Variants in IPO7 observed in about 807,000 individuals in gnomAD.
The protein encoded by IPO7 is importin 7.
Under a neutral mutation model 136.4 loss-of-function variants are expected in IPO7, and 13 were observed. The ratio of observed to expected loss-of-function variants is 0.10; its 90% CI spans 0.06 to 0.15. The LOEUF (loss-of-function observed/expected upper bound fraction) is 0.15. IPO7 is among the 10% of genes least tolerant of loss of function. The probability of loss-of-function intolerance (pLI) is 1.00; values close to 1 mark genes in which losing one functional copy is unlikely to be tolerated. For missense variants in IPO7, 857 were observed against 1,240.6 expected (o/e 0.69, Z 4.65); for synonymous variants, 403 against 404.4 (o/e 1.00, Z 0.04).
chr11:9,446,642 T>G lies in IPO7; in HGVS notation c.*1448T>G, dbSNP rs1855532901. 6.6e-6 allele frequency: 1 copy of G among 152,200 alleles called. No homozygotes were observed. The highest frequency in any genetic ancestry group is 2.4e-5 in the African/African-American group (1 of 41,454). The allele number at this position is 152,200 out of a possible 1,614,324, so 9.4% of individuals were successfully genotyped here. ...ATATTTCAAATTGAAAGCAACATCT[T>G]AATGGATTCAAAACTATTACAAGCT... On this transcript the variant is annotated 3_prime_UTR_variant, in exon 25 of 25. Transcript: ENST00000379719.
Position 9,442,157 on chromosome 11 carries a change from G to C in IPO7, c.2979G>C (p.Gln993His), listed in dbSNP as rs1177433830. Residue 993 changes from glutamine (Q) to histidine (H), a missense_variant, in exon 24 of 25, where the codon CAG (glutamine) becomes CAC (histidine). This residue lies in a region of IPO7 where 119 missense variants were observed against 155.5 expected (regional missense o/e 0.77). Transcript: ENST00000379719. ...ATGAAGAACAAAGAAAACAGTTACA[G>C]GACATAGCAACTCTGGCTGATCAAA... ...GLNEEQRKQL[Q>H]DIATLADQRR... is the part of the protein sequence containing the mutation. The C allele has an allele frequency of 6.2e-7, 1 of 1,605,560 alleles. No homozygotes were observed. Among genetic ancestry groups the C allele is most frequent in the Non-Finnish European group, 8.5e-7 (1 of 1,172,362 alleles).
intron 1 of IPO7, among the ~76,000 whole-genome samples, chr11:9,402,172 C>T (rs569973066): frequency 6.6e-6 from 1 of 152,108 alleles, no homozygotes; most frequent in South Asian, 2.1e-4. Context: ...GAGGCCAAGG[C>T]GGGCAGATCA....
rs1202248870 is a variant in IPO7 at position 9,437,779 on chromosome 11, C to G, written c.2294C>G (p.Ala765Gly). 1 of 1,613,586 alleles carries G rather than the reference C, an allele frequency of 6.2e-7. No individual in the cohort carries two copies. Among genetic ancestry groups the G allele is most frequent in the Non-Finnish European group, 8.5e-7 (1 of 1,179,572 alleles). Residue 765 changes from alanine to glycine, a missense_variant, in exon 21 of 25, where the codon GCC (alanine) becomes GGC (glycine). Physicochemically the swap from Ala to Gly is moderately conservative, Grantham distance 60. Coordinates refer to ENST00000379719, the MANE Select transcript of IPO7 (RefSeq NM_006391.3). The part of the protein sequence containing the change: ...DQCIPLFVEA[A>G]LERLTREVKT... ...TGCATTCCCTTATTCGTGGAAGCAGCCTTAGAAAGACTGACAAGAGAGGTT... is the reference window on the plus strand; with the variant it reads ...TGCATTCCCTTATTCGTGGAAGCAGGCTTAGAAAGACTGACAAGAGAGGTT...
In IPO7 at chr11:9,425,041, T is replaced by A. The variant is rs768969758; in HGVS notation, c.1218+51T>A. 2.2e-6 allele frequency: 3 copies of A among 1,352,300 alleles called. No individual in the cohort carries two copies. In the Admixed American group the frequency reaches 5.7e-5, roughly 26 times the overall value. 83.8% of individuals were successfully genotyped at this position (1,352,300 alleles called of 1,614,324 possible). The stretch of plus-strand genomic sequence containing the variant: ...CTTTTCTGTATTATTTAAAATTTAT[T>A]CAACTATACACTTTTTAAATGTTAG... On this transcript the variant is annotated intron_variant, in intron 11 of 24. Transcript: ENST00000379719.
intron 1 of IPO7, among the ~76,000 whole-genome samples, chr11:9,400,996 A>G (rs1018272807): frequency 2.0e-5 from 3 of 151,868 alleles, no homozygotes; most frequent in Admixed American, 1.3e-4. Flanking sequence ...AGCCTGGCCA[A>G]CATGGCAAAA....
At chr11:9,400,440 CT>C (rs1281620112) in intron 1 of IPO7, among the ~76,000 whole-genome samples, 1 of 146,216 alleles carries the variant, frequency 6.8e-6, no homozygotes, top group Non-Finnish European at 1.5e-5. Flanking sequence ...TTTTTTTTTT[CT>C]GAGACCTAAT....
At chr11:9,387,172 A>G (rs897096816) in intron 1 of IPO7, among the ~76,000 whole-genome samples, 1 of 152,224 alleles carries the variant, frequency 6.6e-6, no homozygotes, top group African/African-American at 2.4e-5. Flanking sequence ...GATGTCTCTC[A>G]TTCCAGTGAA....
intron 1 of IPO7, among the ~76,000 whole-genome samples, chr11:9,393,566 A>G (rs1854666185): frequency 6.6e-6 from 1 of 152,044 alleles, no homozygotes; most frequent in African/African-American, 2.4e-5. Context: ...TATTTTTAGT[A>G]GAGAAGGAGT....
At chr11:9,425,050 C>T in intron 11 of IPO7, 60 bp downstream of exon 11, 3 of 1,334,880 alleles carry the variant, frequency 2.2e-6, no homozygotes, top group Non-Finnish European at 2.1e-6. Context: ...TTCAACTATA[C>T]ACTTTTTAAA....
intron 5 of IPO7, 200 bp downstream of exon 5, chr11:9,414,611 T>A: frequency 2.2e-5 from 4 of 181,610 alleles, no homozygotes; most frequent in East Asian, 1.3e-4. Context: ...TAAACAACCC[T>A]AATGAATCTT....
intron 4 of IPO7, among the ~76,000 whole-genome samples, chr11:9,410,782 A>G (rs1854957928): frequency 1.3e-5 from 2 of 152,172 alleles, no homozygotes; most frequent in African/African-American, 4.8e-5. Context: ...GTTGATAGGC[A>G]CTTGAAAAGG....
intron 14 of IPO7, 53 bp from the exon 15 acceptor site, chr11:9,429,621 G>A: frequency 1.4e-6 from 2 of 1,427,782 alleles, no homozygotes; most frequent in Non-Finnish European, 9.6e-7. Flanking sequence ...GTTATATCAG[G>A]TTTTAAGAAG....
At chr11:9,436,408 CTT>C (rs1855369103) in intron 20 of IPO7, 42 bp downstream of exon 20, 1 of 1,308,794 alleles carries the variant, frequency 7.6e-7, no homozygotes, top group African/African-American at 1.5e-5. Context: ...GAGGGGTAAT[CTT>C]TTCCTTCCAC....
intron 12 of IPO7, among the ~76,000 whole-genome samples, chr11:9,428,069 G>A (rs1461006315): frequency 2.6e-5 from 4 of 151,362 alleles, no homozygotes; most frequent in South Asian, 2.1e-4. Context: ...GCAGTGAGCC[G>A]AAATTGTGCC....
Position 9,384,829 on chromosome 11 carries a change from G to C in IPO7, c.66G>C (p.Ala22=). Reference sequence around the variant, plus strand: ...TGGACCCAGCCCTGCGTGAGGCCGCGGAGCGCCAGCTCAATGAAGTAAGGA... The same window carrying C: ...TGGACCCAGCCCTGCGTGAGGCCGCCGAGCGCCAGCTCAATGAAGTAAGGA... ...GTMDPALREA[A]ERQLNEAHKS... Residue 22 remains alanine (A), a synonymous_variant, in exon 1 of 25, where the codon GCG becomes GCC. Transcript: ENST00000379719. The C allele has an allele frequency of 6.2e-7, 1 of 1,602,954 alleles. No homozygotes were observed. Among genetic ancestry groups the C allele is most frequent in the Non-Finnish European group, 8.5e-7 (1 of 1,174,884 alleles).
At chr11:9,391,874 C>T (rs1256499424) in intron 1 of IPO7, among the ~76,000 whole-genome samples, 1 of 152,054 alleles carries the variant, frequency 6.6e-6, no homozygotes, top group East Asian at 1.9e-4. Flanking sequence ...TTAAGCTATC[C>T]TCCTGCCTTA....
chr11:9,391,668 C>T (rs1854634961), intron 1 of IPO7, among the ~76,000 whole-genome samples: 2 of 152,290 alleles, frequency 1.3e-5, no homozygotes, highest in South Asian at 4.2e-4. Context: ...CACACCACTG[C>T]ACTCCAGCCT....
chr11:9,438,051 T>TTTG (rs1565004431), intron 21 of IPO7, 29 bp from the exon 22 acceptor site: 1 of 424,382 alleles, frequency 2.4e-6, no homozygotes, highest in Non-Finnish European at 3.3e-6. Context: ...AACAGTTTTT[T>TTTG]TTTTTTTTTT....
At chr11:9,439,602 G>A (rs539184102) in intron 22 of IPO7, among the ~76,000 whole-genome samples, 10 of 151,512 alleles carry the variant, frequency 6.6e-5, no homozygotes, top group African/African-American at 1.7e-4. Flanking sequence ...TTGTTGAGAC[G>A]GAATCTCGTT....
Sources: allele counts gnomAD v4.1 joint callset (sites outside exome capture counted in the v4.1 genomes callset), GRCh38; gene constraint gnomAD v4.1.1; regional missense constraint gnomAD v4.1.1; transcripts MANE v1.5; gene names NCBI Gene and HGNC (gene_info 2026-07-23, HGNC 2026-07-21).